RAPGEF6: variants seen among roughly 807,000 people sequenced by gnomAD.
The protein encoded by RAPGEF6 is Rap guanine nucleotide exchange factor 6.
Under a neutral mutation model 171.4 loss-of-function variants are expected in RAPGEF6, and 56 were observed. That is an observed-to-expected ratio of 0.33 (90% confidence interval 0.26 to 0.41). RAPGEF6 has a LOEUF of 0.41. Ranked by LOEUF, RAPGEF6 falls within the 10% of genes least tolerant of loss-of-function variation. The pLI is 1.00. For synonymous variants in RAPGEF6, 692 were observed against 650.1 expected, an observed-to-expected ratio of 1.06 and a Z score of -0.98; for missense variants, 1,674 against 1,921.4, an observed-to-expected ratio of 0.87 and a Z score of 2.41.
chr5:131,523,813 A>AAACAAAC (rs1758674672), intron 6 of RAPGEF6, among the ~76,000 whole-genome samples: 2 of 81,356 alleles, frequency 2.5e-5, no homozygotes, highest in Non-Finnish European at 5.7e-5. Context: ...AACAAACAAA[A>AAACAAAC]AACCCACCCC....
chr5:131,548,813 A>C (rs1341749289), intron 5 of RAPGEF6, among the ~76,000 whole-genome samples: 1 of 152,178 alleles, frequency 6.6e-6, no homozygotes. Flanking sequence ...GAAAAACCCA[A>C]AGATATTAGT....
At chr5:131,497,678 G>A (rs956544699) in intron 12 of RAPGEF6, among the ~76,000 whole-genome samples, 1 of 152,130 alleles carries the variant, frequency 6.6e-6, no homozygotes, top group Non-Finnish European at 1.5e-5. Flanking sequence ...TGAGAGGTGT[G>A]CAAGCCTGTA....
chr5:131,626,369 C>T (rs1765934067), intron 1 of RAPGEF6, among the ~76,000 whole-genome samples: 1 of 152,058 alleles, frequency 6.6e-6, no homozygotes, highest in Admixed American at 6.6e-5. Context: ...CCATAAAAGG[C>T]AATTTTTGCA....
chr5:131,576,292 G>A (rs1413796112), intron 4 of RAPGEF6, among the ~76,000 whole-genome samples: 1 of 152,116 alleles, frequency 6.6e-6, no homozygotes, highest in East Asian at 1.9e-4. Flanking sequence ...TTCCACATCT[G>A]TCACTGAAGC....
At chr5:131,557,119 G>A (rs1761285243) in intron 5 of RAPGEF6, among the ~76,000 whole-genome samples, 1 of 152,078 alleles carries the variant, frequency 6.6e-6, no homozygotes, top group Non-Finnish European at 1.5e-5. Flanking sequence ...TCCCTTATGT[G>A]ACATATGTTA....
intron 17 of RAPGEF6, among the ~76,000 whole-genome samples, chr5:131,467,106 T>G (rs1561486969): frequency 6.6e-6 from 1 of 152,200 alleles, no homozygotes; most frequent in South Asian, 2.1e-4. Flanking sequence ...TCAGAGAAAT[T>G]TATTCACAAA....
intron 23 of RAPGEF6, chr5:131,440,038 A>G (rs1016631870): frequency 2.6e-6 from 1 of 390,402 alleles, no homozygotes; most frequent in African/African-American, 2.1e-5. Flanking sequence ...GAAATCTTCA[A>G]AAAGAAGGCA....
intron 10 of RAPGEF6, 51 bp from the exon 11 acceptor site, chr5:131,504,829 T>C (rs1208852467): frequency 2.6e-6 from 4 of 1,511,794 alleles, no homozygotes; most frequent in Non-Finnish European, 3.6e-6. Context: ...TACATAAATA[T>C]ATCACTATGT....
In RAPGEF6 at chr5:131,475,145, G is replaced by A. The variant is rs145251002; in HGVS notation, c.2082-2401C>T. On this transcript the variant is annotated intron_variant, in intron 16 of 27. Transcript: ENST00000509018. ...TGGTTACAAATTCGTAGTAATTAAA[G>A]TGTGAGGTGCATAAATGAAAACTAT... Among the ~76,000 whole-genome samples the A allele has an allele frequency of 3.2e-3, 489 of 152,326 alleles. 3 individuals are homozygous for A. The highest frequency in any genetic ancestry group is 0.011 in the African/African-American group (465 of 41,574).
intron 16 of RAPGEF6, among the ~76,000 whole-genome samples, chr5:131,475,504 G>A (rs1463588889): frequency 1.3e-5 from 2 of 152,114 alleles, no homozygotes; most frequent in East Asian, 3.8e-4. Flanking sequence ...AAGAAATGGG[G>A]AGGAAAAATA....
intron 19 of RAPGEF6, among the ~76,000 whole-genome samples, chr5:131,457,790 T>A (rs1046195927): frequency 1.3e-5 from 2 of 152,154 alleles, no homozygotes; most frequent in African/African-American, 2.4e-5. Flanking sequence ...CCACAGATAC[T>A]GAGGGACAAT....
chr5:131,515,941 T>A (rs1758042039), intron 7 of RAPGEF6, among the ~76,000 whole-genome samples: 1 of 151,944 alleles, frequency 6.6e-6, no homozygotes, highest in South Asian at 2.1e-4. Flanking sequence ...TAAAGCTTTT[T>A]AAATACAAGA....
At chr5:131,591,461 G>T (rs1561588651) in intron 4 of RAPGEF6, among the ~76,000 whole-genome samples, 1 of 152,168 alleles carries the variant, frequency 6.6e-6, no homozygotes, top group Non-Finnish European at 1.5e-5. Flanking sequence ...ACTAGCTTAT[G>T]CTATGAAAGA....
intron 17 of RAPGEF6, 161 bp from the exon 18 acceptor site, chr5:131,464,442 T>A: frequency 1.7e-6 from 1 of 599,128 alleles, no homozygotes. Flanking sequence ...GATAAATATA[T>A]CCTTTTTTTT....
chr5:131,531,953 A>C, intron 6 of RAPGEF6: 1 of 260,346 alleles, frequency 3.8e-6, no homozygotes, highest in Non-Finnish European at 7.7e-6. Flanking sequence ...TTAGATATTT[A>C]AATTAAAAAA....
chr5:131,506,323 A>C (rs1034494037), intron 9 of RAPGEF6, among the ~76,000 whole-genome samples: 2 of 152,088 alleles, frequency 1.3e-5, no homozygotes, highest in Non-Finnish European at 2.9e-5. Flanking sequence ...TTTTTAATAG[A>C]GACAGGTCTT....
intron 6 of RAPGEF6, among the ~76,000 whole-genome samples, chr5:131,538,112 C>T (rs1331918566): frequency 2.0e-5 from 3 of 151,876 alleles, no homozygotes; most frequent in Non-Finnish European, 2.9e-5. Flanking sequence ...AAACCAAAAA[C>T]AAAAAACCAC....
intron 4 of RAPGEF6, among the ~76,000 whole-genome samples, chr5:131,569,902 C>T (rs901347215): frequency 3.3e-5 from 5 of 151,704 alleles, no homozygotes; most frequent in South Asian, 2.1e-4. Context: ...ATTAGCCAGG[C>T]GTAGTAGTGG....
Position 131,455,654 on chromosome 5 carries a change from T to C in RAPGEF6, c.3076+147A>G, listed in dbSNP as rs564738992. 1.4e-5 allele frequency: 9 copies of C among 646,866 alleles called. No homozygotes were observed. In the East Asian group the frequency reaches 1.6e-4, roughly 12 times the overall value. The allele number at this position is 646,866 out of a possible 1,614,324, so 40.1% of individuals were successfully genotyped here. A position where few individuals can be genotyped will look rare whatever the true frequency, so the allele number is the denominator to read the frequency against. ...AACTAATTAACAAATATGTATGGTA[T>C]GACATCTAATTCAACACTAGAAAAA... On this transcript the variant is annotated intron_variant, in intron 20 of 27. Coordinates refer to ENST00000509018, the MANE Select transcript of RAPGEF6 (RefSeq NM_016340.6).
Sources: allele counts gnomAD v4.1 joint callset (sites outside exome capture counted in the v4.1 genomes callset), GRCh38; gene constraint gnomAD v4.1.1; transcripts MANE v1.5; gene names NCBI Gene and HGNC (gene_info 2026-07-23, HGNC 2026-07-21).